Variants in IL1RAPL2 observed in about 807,000 individuals in gnomAD.
IL1RAPL2 encodes X-linked interleukin-1 receptor accessory protein-like 2.
IL1RAPL2 carries 3 observed loss-of-function variants against 44.1 expected under a neutral mutation model. The observed-to-expected ratio is 0.07, with a 90% CI of 0.03 to 0.18. IL1RAPL2 has a LOEUF of 0.18. Among genes scored for constraint, IL1RAPL2 ranks in the 10% least tolerant of loss-of-function variants. The probability of loss-of-function intolerance (pLI) is 1.00; values close to 1 mark genes in which losing one functional copy is unlikely to be tolerated. For missense variants in IL1RAPL2, 391 were observed against 496.4 expected, an observed-to-expected ratio of 0.79 and a Z score of 2.02; for synonymous variants, 181 against 178.8, an observed-to-expected ratio of 1.01 and a Z score of -0.10.
chrX:105,743,336 C>G (rs2038515530), intron 8 of IL1RAPL2, among the ~76,000 whole-genome samples: 1 of 111,247 alleles, frequency 9.0e-6, no homozygotes, highest in African/African-American at 3.3e-5. Flanking sequence ...CATTTTCTAC[C>G]ACAATTTTCC....
chrX:105,216,756 T>C (rs868930923), intron 3 of IL1RAPL2, among the ~76,000 whole-genome samples: 2 of 111,267 alleles, frequency 1.8e-5, no homozygotes, highest in African/African-American at 3.3e-5. Flanking sequence ...TAAACAGATA[T>C]ATAGACCAAT....
At chrX:105,049,178 G>C (rs755207169) in intron 2 of IL1RAPL2, among the ~76,000 whole-genome samples, 1 of 106,668 alleles carries the variant, frequency 9.4e-6, no homozygotes, top group Non-Finnish European at 1.9e-5. Flanking sequence ...TTTTTTTCAA[G>C]TTTCATAGAG....
chrX:105,015,253 C>T (rs2031149807), intron 2 of IL1RAPL2, among the ~76,000 whole-genome samples: 1 of 110,499 alleles, frequency 9.0e-6, no homozygotes, highest in Admixed American at 9.7e-5. Flanking sequence ...TTCTCCCATT[C>T]TGTAGGTTGC....
chrX:104,609,975 C>G (rs1569280223), intron 1 of IL1RAPL2, among the ~76,000 whole-genome samples: 2 of 112,202 alleles, frequency 1.8e-5, no homozygotes, highest in South Asian at 7.4e-4. Flanking sequence ...GGTTTCTCCC[C>G]ATCTTTGTGG....
At chrX:104,864,599 G>A (rs1397049650) in intron 2 of IL1RAPL2, among the ~76,000 whole-genome samples, 1 of 111,756 alleles carries the variant, frequency 8.9e-6, no homozygotes, top group Admixed American at 9.5e-5. Context: ...TGAGGGTGTT[G>A]CCAAAGGAGA....
Position 104,746,308 on chromosome X carries a change from C to A in IL1RAPL2, c.82+87313C>A, listed in dbSNP as rs187694118. ...CTCTGTATCACAGAATACATATTATCCCATAATTATCTCAGATAATGCATG... is the reference window on the plus strand; with the variant it reads ...CTCTGTATCACAGAATACATATTATACCATAATTATCTCAGATAATGCATG... On this transcript the variant is annotated intron_variant, in intron 2 of 10. Coordinates refer to ENST00000372582, the MANE Select transcript of IL1RAPL2 (RefSeq NM_017416.2). Among the ~76,000 whole-genome samples, 978 of 111,135 alleles carry A rather than the reference C, an allele frequency of 8.8e-3. 5 individuals carry two copies. The highest frequency in any genetic ancestry group is 0.015 in the Admixed American group (152 of 10,413).
chrX:105,729,935 G>A (rs185213157), intron 7 of IL1RAPL2, among the ~76,000 whole-genome samples: 169 of 85,765 alleles, frequency 2.0e-3, no homozygotes, highest in African/African-American at 6.9e-3. Context: ...GAGGGAGGGA[G>A]GGAAGGAAGG....
intron 1 of IL1RAPL2, among the ~76,000 whole-genome samples, chrX:104,656,647 T>G (rs1930269813): frequency 8.9e-6 from 1 of 111,925 alleles, no homozygotes; most frequent in African/African-American, 3.2e-5. Context: ...AGAATGTATA[T>G]TCTGTTGATT....
chrX:105,084,200 G>A (rs191938743), intron 2 of IL1RAPL2, among the ~76,000 whole-genome samples: 55 of 112,756 alleles, frequency 4.9e-4, no homozygotes, highest in African/African-American at 1.7e-3. Flanking sequence ...CTCACACAGA[G>A]TCCCCAATGG....
chrX:105,482,927 C>A (rs1235743510), intron 5 of IL1RAPL2, among the ~76,000 whole-genome samples: 1 of 109,863 alleles, frequency 9.1e-6, no homozygotes, highest in African/African-American at 3.3e-5. Context: ...AGGATATAAA[C>A]AATAGTTTGA....
At chrX:105,652,911 G>A (rs919481667) in intron 6 of IL1RAPL2, among the ~76,000 whole-genome samples, 2 of 111,503 alleles carry the variant, frequency 1.8e-5, no homozygotes, top group African/African-American at 6.5e-5. Flanking sequence ...TGGATGGGAA[G>A]GGTGACCAGG....
intron 2 of IL1RAPL2, among the ~76,000 whole-genome samples, chrX:105,098,161 T>C (rs1215174696): frequency 1.8e-5 from 2 of 112,237 alleles, no homozygotes; most frequent in Non-Finnish European, 3.8e-5. Context: ...AAATGTCCTT[T>C]TTATAGCTGG....
chrX:104,975,761 G>A (rs1054783955), intron 2 of IL1RAPL2, among the ~76,000 whole-genome samples: 4 of 112,163 alleles, frequency 3.6e-5, no homozygotes, highest in Admixed American at 2.8e-4. Context: ...AGGTGGTACT[G>A]GTTGGGCTTA....
chrX:105,453,699 G>A (rs2036035379), intron 5 of IL1RAPL2, among the ~76,000 whole-genome samples: 1 of 111,621 alleles, frequency 9.0e-6, no homozygotes. Flanking sequence ...TTCCTCTAGG[G>A]CAAGGAAAAT....
intron 2 of IL1RAPL2, among the ~76,000 whole-genome samples, chrX:104,973,601 C>G (rs1448606279): frequency 4.5e-5 from 5 of 111,954 alleles, no homozygotes; most frequent in Non-Finnish European, 9.4e-5. Context: ...GGTAATTTCA[C>G]AAATTAATAC....
At chrX:105,004,431 C>A (rs1172846025) in intron 2 of IL1RAPL2, among the ~76,000 whole-genome samples, 3 of 109,278 alleles carry the variant, frequency 2.7e-5, no homozygotes, top group African/African-American at 6.6e-5. Context: ...ACTTCTTTTT[C>A]AAAAAAAATT....
rs1018180824 is a variant in IL1RAPL2 at position 104,677,147 on chromosome X, C to T, written c.82+18152C>T. 3.6e-5 allele frequency among the ~76,000 whole-genome samples: 4 copies of T among 112,035 alleles called. No individual in the cohort carries two copies. The East Asian group carries it at 1.1e-3, about 31-fold the overall frequency. ...TTGTTCCGTTGCTGGTGAGGAATTG[C>T]GTTCCTTTGGAGGAGGAGAGGTGCT... On this transcript the variant is annotated intron_variant, in intron 2 of 10. Coordinates refer to ENST00000372582, the MANE Select transcript of IL1RAPL2 (RefSeq NM_017416.2).
intron 6 of IL1RAPL2, among the ~76,000 whole-genome samples, chrX:105,666,457 T>G (rs2037770490): frequency 8.9e-6 from 1 of 111,909 alleles, no homozygotes; most frequent in African/African-American, 3.3e-5. Flanking sequence ...AAGTAATTCT[T>G]TAACATAACA....
intron 5 of IL1RAPL2, chrX:105,407,106 TTCTC>T (rs1222265785): frequency 7.4e-6 from 4 of 542,839 alleles, no homozygotes; most frequent in Non-Finnish European, 1.3e-5. Flanking sequence ...TCACTTTTCT[TTCTC>T]CACTCACTCA....
Sources: gnomAD v4.1 joint callset for allele counts (sites outside exome capture counted in the v4.1 genomes callset) on GRCh38, gnomAD v4.1.1 for gene constraint, MANE v1.5 for transcripts, NCBI Gene and HGNC (gene_info 2026-07-23, HGNC 2026-07-21) for gene names.